The following TFDP1 variants were observed in gnomAD, a reference collection of about 807,000 sequenced individuals.
TFDP1 encodes the protein transcription factor Dp-1, also known as DRTF1-polypeptide 1.
TFDP1 carries 6 observed loss-of-function variants against 48.0 expected under a neutral mutation model. That is an observed-to-expected ratio of 0.13 (90% CI 0.07 to 0.25). TFDP1 has a LOEUF of 0.25. Ranked by LOEUF, TFDP1 falls within the 10% of genes least tolerant of loss-of-function variation. The pLI is 1.00. For synonymous variants in TFDP1, 201 were observed against 211.6 expected (o/e 0.95, Z 0.44); for missense variants, 335 against 543.0 (o/e 0.62, Z 3.81).
At chr13:113,616,003 G>C (rs538853301) in intron 3 of TFDP1, among the ~76,000 whole-genome samples, 1 of 152,168 alleles carries the variant, frequency 6.6e-6, no homozygotes, top group South Asian at 2.1e-4. Context: ...AGGAGCTCAA[G>C]ACCAGCCTAG....
intron 2 of TFDP1, among the ~76,000 whole-genome samples, chr13:113,595,691 T>C (rs2048268753): frequency 6.6e-6 from 1 of 152,236 alleles, no homozygotes; most frequent in Admixed American, 6.5e-5. Context: ...TGTCTGTGAG[T>C]GCAGATGCTG....
intron 7 of TFDP1, 185 bp downstream of exon 7, chr13:113,634,218 G>A (rs1258944658): frequency 7.2e-6 from 6 of 829,294 alleles, no homozygotes; most frequent in Non-Finnish European, 1.2e-5. Flanking sequence ...AGCATGGTTG[G>A]CCCAGACCCA....
rs528524343 is a variant in TFDP1, at chr13:113,631,855, C to T, written c.308+111C>T. The T allele has an allele frequency of 9.9e-5, 141 of 1,418,964 alleles. 1 individual carries two copies. The East Asian group carries it at 2.1e-3, about 22-fold the overall frequency. The allele number at this position is 1,418,964 out of a possible 1,614,324, so 87.9% of individuals were successfully genotyped here. Reference sequence around the variant, plus strand: ...AGTCGTGCGATGGGGCTCCCACGCGCGTTGACGCCAGCCTCCGAATCACAC... The same window carrying T: ...AGTCGTGCGATGGGGCTCCCACGCGTGTTGACGCCAGCCTCCGAATCACAC... On this transcript the variant is annotated intron_variant, in intron 5 of 11. Coordinates refer to ENST00000375370, the MANE Select transcript of TFDP1 (RefSeq NM_007111.5).
chr13:113,596,189 G>A (rs184847251), intron 2 of TFDP1, among the ~76,000 whole-genome samples: 6 of 152,230 alleles, frequency 3.9e-5, no homozygotes, highest in Admixed American at 6.5e-5. Context: ...AAAATATTTC[G>A]TGTCACCACT....
intron 5 of TFDP1, 39 bp downstream of exon 5, chr13:113,631,783 G>A: frequency 6.2e-7 from 1 of 1,607,498 alleles, no homozygotes; most frequent in Non-Finnish European, 8.5e-7. Flanking sequence ...TTGTAGGACT[G>A]CTTGCGGTTC....
chr13:113,617,466 GTTCACCTGCAGAGCCC>G (rs2048887513), intron 3 of TFDP1, among the ~76,000 whole-genome samples: 1 of 140,994 alleles, frequency 7.1e-6, no homozygotes. Context: ...CTGCAGAACC[GTTCACCTGCAGAGCCC>G]TTCACCTGCA....
At chr13:113,585,554 C>G (rs1487904234) in intron 1 of TFDP1, 1 of 329,544 alleles carries the variant, frequency 3.0e-6, no homozygotes, top group East Asian at 5.0e-5. Flanking sequence ...GGTGACCCTG[C>G]GGGCCCGCGG....
chr13:113,589,804 A>G (rs1008147468), intron 2 of TFDP1, among the ~76,000 whole-genome samples: 3 of 152,040 alleles, frequency 2.0e-5, no homozygotes, highest in Non-Finnish European at 4.4e-5. Context: ...TGGGTGAGGG[A>G]GTGTGGCTTG....
chr13:113,586,942 A>G (rs1566629175), intron 2 of TFDP1, among the ~76,000 whole-genome samples: 1 of 152,142 alleles, frequency 6.6e-6, no homozygotes, highest in Non-Finnish European at 1.5e-5. Context: ...GCGGGCATGC[A>G]CTCAGAATGC....
rs1566674533 is a variant in TFDP1, at chr13:113,633,099, C to CT, written c.309-17dup. 1 of 1,604,956 alleles carries CT rather than the reference C, an allele frequency of 6.2e-7. No individual in the cohort carries two copies. Among genetic ancestry groups the CT allele is most frequent in the Admixed American group, 1.7e-5 (1 of 59,728 alleles). On this transcript the variant is annotated intron_variant, in intron 5 of 11. Transcript: ENST00000375370. The surrounding 1 kb of genome is among the most constrained non-coding windows in gnomAD (Gnocchi z 4.5). ...CTCAGGAGGGCTGACAGTCGCTTCT[C>CT]TTTTCCTTTGTATTTTGAAGGAAGC...
At chr13:113,614,697 T>TG (rs979944308) in intron 3 of TFDP1, among the ~76,000 whole-genome samples, 3 of 152,152 alleles carry the variant, frequency 2.0e-5, no homozygotes, top group Non-Finnish European at 4.4e-5. Context: ...GCTGCTGCTG[T>TG]GGGGGGCCTG....
rs1264242208 is a variant in TFDP1 at position 113,598,060 on chromosome 13, G to A, written c.12+12211G>A. 6.6e-6 allele frequency among the ~76,000 whole-genome samples: 1 copy of A among 152,284 alleles called. No homozygotes were observed. Among genetic ancestry groups the A allele is most frequent in the East Asian group, 1.9e-4 (1 of 5,164 alleles). Reference sequence around the variant, plus strand: ...CATAAGAAAAGGGAGTGGAGCCGCCGACATTTCAGGTGAGTTGTCATCAAG... The same window carrying A: ...CATAAGAAAAGGGAGTGGAGCCGCCAACATTTCAGGTGAGTTGTCATCAAG... On this transcript the variant is annotated intron_variant, in intron 2 of 11. Coordinates refer to ENST00000375370, the MANE Select transcript of TFDP1 (RefSeq NM_007111.5). This position sits in a 1 kb window ranked among gnomAD's most constrained non-coding sequence, Gnocchi z 4.2.
chr13:113,593,791 C>T (rs142024120), intron 2 of TFDP1, among the ~76,000 whole-genome samples: 3,367 of 135,164 alleles, frequency 0.025, 118 homozygotes, highest in African/African-American at 0.089. Flanking sequence ...GTGCTGTGCA[C>T]GCGTCCTCAG....
At position 113,629,282 on chromosome 13, in the gene TFDP1, C is replaced by T. The variant is rs185613051; in HGVS notation, c.187-2341C>T. On this transcript the variant is annotated intron_variant, in intron 4 of 11. Transcript: ENST00000375370. The stretch of plus-strand genomic sequence containing the variant: ...AGGAGAGCTTCCTGTAAGACCTGGC[C>T]TCCGTAAACAACGCATTCCCAGTGC... Among the ~76,000 whole-genome samples the T allele has an allele frequency of 2.7e-4, 41 of 152,338 alleles. No homozygotes were observed. The East Asian group carries it at 7.7e-3, about 29-fold the overall frequency.
chr13:113,633,194 A>G lies in TFDP1; in HGVS notation c.383A>G (p.Gln128Arg). ...HFSMKVCEKV[Q>R]RKGTTSYNEV... ...TCCATGAAGGTCTGCGAGAAGGTGC[A>G]GAGGAAAGGGACCACTTCCTACAAC... Residue 128 changes from glutamine to arginine, a missense_variant, in exon 6 of 12, where the codon CAG becomes CGG. Physicochemically the swap from Gln to Arg is conservative, Grantham distance 43 (BLOSUM62 1). Transcript: ENST00000375370. The surrounding 1 kb of genome is among the most constrained non-coding windows in gnomAD (Gnocchi z 4.5). The G allele has an allele frequency of 6.2e-7, 1 of 1,614,152 alleles. No homozygotes were observed. The highest frequency in any genetic ancestry group is 8.5e-7 in the Non-Finnish European group (1 of 1,180,036).
At position 113,640,862 on chromosome 13, in the gene TFDP1, A is replaced by G. The variant is rs1487658688; in HGVS notation, c.*595A>G. 1 of 153,458 alleles carries G rather than the reference A, an allele frequency of 6.5e-6. No individual in the cohort carries two copies. The highest frequency in any genetic ancestry group is 1.5e-5 in the Non-Finnish European group (1 of 68,722). The allele number at this position is 153,458 out of a possible 1,614,324, so 9.5% of individuals were successfully genotyped here. The stretch of plus-strand genomic sequence containing the variant: ...AAATTATATTGACTGTTGTGATTCC[A>G]TCAAGTTTGTACACTCTTTTCTCTC... On this transcript the variant is annotated 3_prime_UTR_variant, in exon 12 of 12. Coordinates refer to ENST00000375370, the MANE Select transcript of TFDP1 (RefSeq NM_007111.5).
intron 9 of TFDP1, 138 bp downstream of exon 9, chr13:113,636,266 G>A (rs947907339): frequency 5.8e-5 from 72 of 1,251,922 alleles, no homozygotes; most frequent in Non-Finnish European, 8.0e-5. Context: ...CCATTGGGGG[G>A]TGGTGGGAGG....
intron 2 of TFDP1, among the ~76,000 whole-genome samples, chr13:113,593,671 C>T (rs2048207163): frequency 2.3e-5 from 3 of 128,412 alleles, no homozygotes; most frequent in African/African-American, 6.1e-5. Context: ...GTGGTGTACA[C>T]GGGTCCTCAG....
chr13:113,607,698 C>T lies in TFDP1; in HGVS notation c.13-3298C>T, dbSNP rs545970162. Among the ~76,000 whole-genome samples, 52 of 152,342 alleles carry T rather than the reference C, an allele frequency of 3.4e-4. No individual in the cohort carries two copies. The highest frequency in any genetic ancestry group is 6.2e-4 in the Non-Finnish European group (42 of 68,024). The stretch of plus-strand genomic sequence containing the variant: ...GGTCCACAACCTGGCCCGTTAACTC[C>T]CTGGGCAGCTGCTGGGGAGGAAGAA... On this transcript the variant is annotated intron_variant, in intron 2 of 11. Coordinates refer to ENST00000375370, the MANE Select transcript of TFDP1 (RefSeq NM_007111.5). The surrounding 1 kb of genome is among the most constrained non-coding windows in gnomAD (Gnocchi z 5.2).
Sources: allele counts gnomAD v4.1 joint callset (sites outside exome capture counted in the v4.1 genomes callset), GRCh38; gene constraint gnomAD v4.1.1; non-coding constraint Gnocchi (gnomAD v3.1); transcripts MANE v1.5; gene names NCBI Gene and HGNC (gene_info 2026-07-23, HGNC 2026-07-21).